Variants in GIMAP4 observed in about 807,000 individuals in gnomAD.
GIMAP4 encodes the protein GTPase, IMAP family member 4, also known as GTPase IMAP family member 4.
A neutral mutation model predicts 10.8 loss-of-function variants in GIMAP4; 12 were observed. The ratio of observed to expected loss-of-function variants is 1.11; its 90% CI spans 0.71 to 1.81. GIMAP4 has a LOEUF of 1.81. Ranked by LOEUF, GIMAP4 falls within the 40% of genes most tolerant of loss-of-function variation. The pLI, the probability that GIMAP4 is intolerant of heterozygous loss-of-function variation, is 0.00. For missense variants in GIMAP4, 412 were observed against 404.6 expected, an observed-to-expected ratio of 1.02 and a Z score of -0.16; for synonymous variants, 149 against 147.2, an observed-to-expected ratio of 1.01 and a Z score of -0.09.
rs1435220672 is a variant in GIMAP4, at chr7:150,573,867, G to T, written c.*807G>T. ...TCACTCAACACTTTGAATACTTATTGTTTGGCAGGTCATCCACACACTTCT... is the reference window on the plus strand; with the variant it reads ...TCACTCAACACTTTGAATACTTATTTTTTGGCAGGTCATCCACACACTTCT... On this transcript the variant is annotated 3_prime_UTR_variant, in exon 3 of 3. Transcript: ENST00000255945. 6.6e-6 allele frequency: 1 copy of T among 152,136 alleles called. No homozygotes were observed. Among genetic ancestry groups the T allele is most frequent in the Admixed American group, 6.5e-5 (1 of 15,274 alleles). The allele number at this position is 152,136 out of a possible 1,614,324, so 9.4% of individuals were successfully genotyped here. A position where few individuals can be genotyped will look rare whatever the true frequency, so the allele number is the denominator to read the frequency against.
Position 150,572,618 on chromosome 7 carries a change from G to A in GIMAP4, c.548G>A (p.Gly183Asp). ...EDIQDLMDIFGDRYCALNNKA... is the reference protein window; with the variant it reads ...EDIQDLMDIFDDRYCALNNKA... ...ATTCAAGACTTGATGGACATTTTCG[G>A]TGACCGCTACTGTGCGTTAAACAAC... is the stretch of plus-strand genomic sequence containing the variant. Residue 183 changes from glycine (G) to aspartate (D), a missense_variant, in exon 3 of 3, where the codon GGT becomes GAT. Physicochemically the swap from Gly to Asp is moderately conservative, Grantham distance 94 (BLOSUM62 -1). Transcript: ENST00000255945. 6.2e-7 allele frequency: 1 copy of A among 1,614,214 alleles called. No individual in the cohort carries two copies. The highest frequency in any genetic ancestry group is 2.2e-5 in the East Asian group (1 of 44,884).
chr7:150,570,902 A>T (rs1795720877), intron 2 of GIMAP4, among the ~76,000 whole-genome samples: 2 of 152,212 alleles, frequency 1.3e-5, no homozygotes, highest in Non-Finnish European at 1.5e-5. Flanking sequence ...AGAGCAAGTC[A>T]TAAGGCCCAC....
rs1795750080 is a variant in GIMAP4, at chr7:150,572,725, G to C, written c.655G>C (p.Gly219Arg). The change falls in exon 3 of 3, where the codon GGC (glycine) becomes CGC (arginine). Residue 219 changes from glycine to arginine, a missense_variant. Physicochemically the swap from Gly to Arg is moderately radical, Grantham distance 125. Coordinates refer to ENST00000255945, the MANE Select transcript of GIMAP4 (RefSeq NM_018326.3). ...GCGCGTGGTGAGGGAGAACAAGGAAGGCTGCTACACTAATAGGATGTACCA... is the reference window on the plus strand; with the variant it reads ...GCGCGTGGTGAGGGAGAACAAGGAACGCTGCTACACTAATAGGATGTACCA... ...IQRVVRENKEGCYTNRMYQRA... is the reference protein window; with the variant it reads ...IQRVVRENKERCYTNRMYQRA... 6.2e-7 allele frequency: 1 copy of C among 1,614,194 alleles called. No individual in the cohort carries two copies. Among genetic ancestry groups the C allele is most frequent in the Non-Finnish European group, 8.5e-7 (1 of 1,180,044 alleles).
In GIMAP4 at chr7:150,573,409, C is replaced by T. The variant is rs1328784346; in HGVS notation, c.*349C>T. 1 of 173,458 alleles carries T rather than the reference C, an allele frequency of 5.8e-6. No homozygotes were observed. Among genetic ancestry groups the T allele is most frequent in the Non-Finnish European group, 1.2e-5 (1 of 81,772 alleles). 10.7% of individuals were successfully genotyped at this position (173,458 alleles called of 1,614,324 possible). A position where few individuals can be genotyped will look rare whatever the true frequency, so the allele number is the denominator to read the frequency against. On this transcript the variant is annotated 3_prime_UTR_variant, in exon 3 of 3. Coordinates refer to ENST00000255945, the MANE Select transcript of GIMAP4 (RefSeq NM_018326.3). Reference sequence around the variant, plus strand: ...CTTTCTATGTTGGCAGATAATCTCCCCTTGTAGCTTCCACTCACTTATTCT... The same window carrying T: ...CTTTCTATGTTGGCAGATAATCTCCTCTTGTAGCTTCCACTCACTTATTCT...
Position 150,573,049 on chromosome 7 carries a change from G to A in GIMAP4, c.979G>A (p.Ala327Thr), listed in dbSNP as rs778127185. ...TTCCTTTATTTTGTTACGTCTGTTC[G>A]CGGAAGATTAAACTTAATGAAAATC... ...IASFILLRLF[A>T]ED Residue 327 changes from alanine to threonine, a missense_variant, in exon 3 of 3, where the codon GCG becomes ACG. Transcript: ENST00000255945. The A allele has an allele frequency of 5.1e-6, 8 of 1,583,522 alleles. No homozygotes were observed. The highest frequency in any genetic ancestry group is 2.3e-5 in the South Asian group (2 of 88,114).
intron 1 of GIMAP4, among the ~76,000 whole-genome samples, chr7:150,568,057 G>T (rs1411969894): frequency 6.6e-6 from 1 of 152,184 alleles, no homozygotes; most frequent in Non-Finnish European, 1.5e-5. Flanking sequence ...AGAGAGAGGA[G>T]AATTCAGCCA....
At chr7:150,569,468 G>C (rs537450451) in intron 1 of GIMAP4, among the ~76,000 whole-genome samples, 113 of 152,278 alleles carry the variant, frequency 7.4e-4, no homozygotes, top group Non-Finnish European at 1.2e-3. Flanking sequence ...GTGGAGGTCA[G>C]GGCTTAATTT....
rs750986504 is a variant in GIMAP4, at chr7:150,572,328, A to G, written c.258A>G (p.Thr86=). 65 of 1,614,148 alleles carry G rather than the reference A, an allele frequency of 4.0e-5. No homozygotes were observed. The South Asian group carries it at 5.3e-4, about 13-fold the overall frequency. ...AAACAGAACTTGTCGTAGTTGACAC[A>G]CCAGGCATTTTCGACACAGAGGTGC... is the stretch of plus-strand genomic sequence containing the variant. ...WKETELVVVD[T]PGIFDTEVPN... The change falls in exon 3 of 3, where the codon ACA becomes ACG. Residue 86 remains threonine (T), a synonymous_variant. Coordinates refer to ENST00000255945, the MANE Select transcript of GIMAP4 (RefSeq NM_018326.3).
chr7:150,571,984 C>T lies in GIMAP4; in HGVS notation c.59-145C>T, dbSNP rs577995046. ...TACTGAAAAATGAGCATCAGGCCTA[C>T]AGGAATCTCTGAGTGCAGCAGTAAC... On this transcript the variant is annotated intron_variant, in intron 2 of 2. Transcript: ENST00000255945. 5 of 616,130 alleles carry T rather than the reference C, an allele frequency of 8.1e-6. No individual in the cohort carries two copies. The African/African-American group carries it at 9.2e-5, about 11-fold the overall frequency. The allele number at this position is 616,130 out of a possible 1,614,324, so 38.2% of individuals were successfully genotyped here. A position where few individuals can be genotyped will look rare whatever the true frequency, so the allele number is the denominator to read the frequency against.
At position 150,572,739 on chromosome 7, in the gene GIMAP4, T is replaced by C. The variant is rs1458009288; in HGVS notation, c.669T>C (p.Asn223=). The C allele has an allele frequency of 1.9e-6, 3 of 1,614,016 alleles. No individual in the cohort carries two copies. The highest frequency in any genetic ancestry group is 2.5e-6 in the Non-Finnish European group (3 of 1,179,960). The change falls in exon 3 of 3, where the codon AAT becomes AAC. Residue 223 remains asparagine, a synonymous_variant. Transcript: ENST00000255945. ...AGAACAAGGAAGGCTGCTACACTAATAGGATGTACCAAAGGGCGGAGGAGG... is the reference window on the plus strand; with the variant it reads ...AGAACAAGGAAGGCTGCTACACTAACAGGATGTACCAAAGGGCGGAGGAGG... ...VRENKEGCYT[N]RMYQRAEEEI...
chr7:150,568,657 A>G (rs551181334), intron 1 of GIMAP4, among the ~76,000 whole-genome samples: 1 of 152,294 alleles, frequency 6.6e-6, no homozygotes, highest in South Asian at 2.1e-4. Flanking sequence ...GAGATTATCC[A>G]TTTATTTATT....
chr7:150,572,829 G>A lies in GIMAP4; in HGVS notation c.759G>A (p.Ala253=), dbSNP rs61741802. The A allele has an allele frequency of 0.038, 61,132 of 1,613,836 alleles. 1,325 individuals carry two copies. The highest frequency in any genetic ancestry group is 0.046 in the Non-Finnish European group (53,983 of 1,179,824). The change falls in exon 3 of 3, where the codon GCG becomes GCA. Residue 253 remains alanine (A), a synonymous_variant. Coordinates refer to ENST00000255945, the MANE Select transcript of GIMAP4 (RefSeq NM_018326.3). The part of the protein sequence containing the change: ...LHRVELEREK[A]RIREEYEEKI... Reference sequence around the variant, plus strand: ...GAGTGGAGCTGGAGAGAGAGAAAGCGCGGATAAGAGAGGAGTATGAAGAGA... The same window carrying A: ...GAGTGGAGCTGGAGAGAGAGAAAGCACGGATAAGAGAGGAGTATGAAGAGA...
chr7:150,567,608 C>T (rs1795678120), intron 1 of GIMAP4, 171 bp downstream of exon 1: 3 of 152,094 alleles, frequency 2.0e-5, no homozygotes, highest in Non-Finnish European at 4.4e-5. Context: ...AAGGCTGAGC[C>T]CTACAAATCA....
chr7:150,573,125 T>C lies in GIMAP4; in HGVS notation c.*65T>C. 1 of 1,035,366 alleles carries C rather than the reference T, an allele frequency of 9.7e-7. No individual in the cohort carries two copies. Among genetic ancestry groups the C allele is most frequent in the Non-Finnish European group, 1.5e-6 (1 of 688,654 alleles). 64.1% of individuals were successfully genotyped at this position (1,035,366 alleles called of 1,614,324 possible). The stretch of plus-strand genomic sequence containing the variant: ...GGCAACCTTGCCCCATACTTACTTA[T>C]TTAGCATAGTCGAGTGCTCTAGTTT... On this transcript the variant is annotated 3_prime_UTR_variant, in exon 3 of 3. Transcript: ENST00000255945.
rs1795758471 is a variant in GIMAP4, at chr7:150,573,139, G to C, written c.*79G>C. The C allele has an allele frequency of 1.1e-6, 1 of 894,776 alleles. No homozygotes were observed. The highest frequency in any genetic ancestry group is 1.7e-6 in the Non-Finnish European group (1 of 572,850). 55.4% of individuals were successfully genotyped at this position (894,776 alleles called of 1,614,324 possible). A position where few individuals can be genotyped will look rare whatever the true frequency, so the allele number is the denominator to read the frequency against. On this transcript the variant is annotated 3_prime_UTR_variant, in exon 3 of 3. Transcript: ENST00000255945. The stretch of plus-strand genomic sequence containing the variant: ...ATACTTACTTATTTAGCATAGTCGA[G>C]TGCTCTAGTTTCTGTCTCTCAGGCA...
intron 1 of GIMAP4, among the ~76,000 whole-genome samples, chr7:150,567,697 T>C (rs1795679324): frequency 6.6e-6 from 1 of 152,200 alleles, no homozygotes; most frequent in South Asian, 2.1e-4. Flanking sequence ...GTGGAATTTA[T>C]ATAGAAACTT....
chr7:150,572,064 C>T (rs1443583532), intron 2 of GIMAP4, 65 bp from the exon 3 acceptor site: 1 of 1,059,002 alleles, frequency 9.4e-7, no homozygotes, highest in Non-Finnish European at 1.4e-6. Flanking sequence ...GGTGAGGACT[C>T]TGCAGGGGAA....
At chr7:150,568,164 A>C (rs902660298) in intron 1 of GIMAP4, among the ~76,000 whole-genome samples, 3 of 152,218 alleles carry the variant, frequency 2.0e-5, no homozygotes, top group African/African-American at 7.2e-5. Flanking sequence ...TAGAAGGAGG[A>C]TATGAAGAAA....
rs1404119234 is a variant in GIMAP4, at chr7:150,569,189, G to T, written c.-14-699G>T. Reference sequence around the variant, plus strand: ...AAATTTTAGTTTTAAAAGAACATCTGATTGTAGAGTAGAAAAGGGATTGAA... The same window carrying T: ...AAATTTTAGTTTTAAAAGAACATCTTATTGTAGAGTAGAAAAGGGATTGAA... On this transcript the variant is annotated intron_variant, in intron 1 of 2. Transcript: ENST00000255945. 3.3e-5 allele frequency among the ~76,000 whole-genome samples: 5 copies of T among 152,202 alleles called. No individual in the cohort carries two copies. In the East Asian group the frequency reaches 9.6e-4, roughly 29 times the overall value.
Sources: gnomAD v4.1 joint callset for allele counts (sites outside exome capture counted in the v4.1 genomes callset) on GRCh38, gnomAD v4.1.1 for gene constraint, MANE v1.5 for transcripts, NCBI Gene and HGNC (gene_info 2026-07-23, HGNC 2026-07-21) for gene names.